The following ZBTB20 variants were observed in gnomAD, a reference collection of about 807,000 sequenced individuals.
ZBTB20 encodes the protein zinc finger and BTB domain containing 20.
A neutral mutation model predicts 56.9 loss-of-function variants in ZBTB20; 9 were observed. The observed-to-expected ratio is 0.16, with a 90% CI of 0.10 to 0.28. The LOEUF is 0.28. Ranked by LOEUF, ZBTB20 falls within the 10% of genes least tolerant of loss-of-function variation. The pLI is 1.00. For synonymous variants in ZBTB20, 417 were observed against 420.7 expected (o/e 0.99, Z 0.11); for missense variants, 655 against 1,003.0 (o/e 0.65, Z 4.69).
chr3:114,856,801 G>A (rs952632572), intron 4 of ZBTB20, among the ~76,000 whole-genome samples: 1 of 152,046 alleles, frequency 6.6e-6, no homozygotes, highest in Non-Finnish European at 1.5e-5. Context: ...TCTTGTCAGG[G>A]GAGAAGGTTC....
intron 4 of ZBTB20, among the ~76,000 whole-genome samples, chr3:114,878,501 T>C (rs1334988875): frequency 6.6e-6 from 1 of 151,764 alleles, no homozygotes; most frequent in African/African-American, 2.4e-5. Flanking sequence ...AAAAGAGTAC[T>C]TGAGTCAAAT....
chr3:114,723,443 T>C (rs2065053930), intron 5 of ZBTB20, among the ~76,000 whole-genome samples: 1 of 152,208 alleles, frequency 6.6e-6, no homozygotes, highest in South Asian at 2.1e-4. Context: ...TTCTGGGACT[T>C]ATATAGAGAT....
At chr3:114,501,836 G>T (rs2044025089) in intron 6 of ZBTB20, among the ~76,000 whole-genome samples, 6 of 150,436 alleles carry the variant, frequency 4.0e-5, no homozygotes, top group Admixed American at 4.0e-4. Flanking sequence ...AGCCTCCTGA[G>T]TAGCTGGGAC....
intron 3 of ZBTB20, among the ~76,000 whole-genome samples, chr3:114,922,970 T>G (rs1311299877): frequency 6.6e-6 from 1 of 152,082 alleles, no homozygotes; most frequent in Admixed American, 6.6e-5. Flanking sequence ...ATAAAACGAT[T>G]CCACTTACAA....
chr3:114,674,449 T>C lies in ZBTB20; in HGVS notation c.-295+19079A>G, dbSNP rs576346424. Among the ~76,000 whole-genome samples the C allele has an allele frequency of 5.9e-5, 9 of 152,288 alleles. No individual in the cohort carries two copies. The East Asian group carries it at 1.7e-3, about 29-fold the overall frequency. On this transcript the variant is annotated intron_variant, in intron 6 of 11. Coordinates refer to ENST00000675478, the MANE Select transcript of ZBTB20 (RefSeq NM_001348800.3). ...ACTTACATGCAATAAAGTTTGCAGA[T>C]GAATATTTTGAAAATCAAAGAAAAG...
At chr3:114,788,557 T>C (rs2108799074) in intron 5 of ZBTB20, among the ~76,000 whole-genome samples, 1 of 152,312 alleles carries the variant, frequency 6.6e-6, no homozygotes. Flanking sequence ...CATTTGTCCA[T>C]TCATGGACAT....
chr3:114,670,686 C>G (rs2061317877), intron 6 of ZBTB20, among the ~76,000 whole-genome samples: 1 of 152,106 alleles, frequency 6.6e-6, no homozygotes, highest in Non-Finnish European at 1.5e-5. Context: ...AGTCTAATTT[C>G]TGTTCTCAAA....
At chr3:114,636,417 T>A (rs2059275492) in intron 6 of ZBTB20, among the ~76,000 whole-genome samples, 1 of 152,100 alleles carries the variant, frequency 6.6e-6, no homozygotes, top group Admixed American at 6.6e-5. Flanking sequence ...TGATAGTGTG[T>A]AAATCACTTT....
intron 6 of ZBTB20, among the ~76,000 whole-genome samples, chr3:114,667,243 G>C (rs1024934571): frequency 1.3e-5 from 2 of 151,886 alleles, no homozygotes. Context: ...CAAATTGCTA[G>C]GTTCATGATA....
chr3:114,967,776 G>A (rs997530768), intron 3 of ZBTB20, among the ~76,000 whole-genome samples: 3 of 152,064 alleles, frequency 2.0e-5, no homozygotes, highest in African/African-American at 4.8e-5. Context: ...GGCCAATGTG[G>A]TGAAACCCCA....
At chr3:115,143,293 C>T (rs2084870313) in intron 1 of ZBTB20, among the ~76,000 whole-genome samples, 3 of 152,096 alleles carry the variant, frequency 2.0e-5, no homozygotes, top group Admixed American at 2.0e-4. Context: ...GTTTAAATAA[C>T]AAAGCATTTT....
intron 1 of ZBTB20, among the ~76,000 whole-genome samples, chr3:115,142,537 G>A (rs906272603): frequency 2.0e-5 from 3 of 151,796 alleles, no homozygotes; most frequent in African/African-American, 7.3e-5. Context: ...GGCTGTGCGC[G>A]CCTGTAGTCC....
intron 2 of ZBTB20, among the ~76,000 whole-genome samples, chr3:115,058,122 G>A (rs1050256428): frequency 5.3e-5 from 8 of 151,832 alleles, no homozygotes; most frequent in African/African-American, 1.2e-4. Context: ...ACCTCCCACC[G>A]GGTCCCTCCC....
chr3:114,789,854 T>G (rs1385349991), intron 5 of ZBTB20, among the ~76,000 whole-genome samples: 1 of 152,166 alleles, frequency 6.6e-6, no homozygotes, highest in Non-Finnish European at 1.5e-5. Flanking sequence ...ATTATAGAGT[T>G]CTGGAAATGT....
intron 4 of ZBTB20, among the ~76,000 whole-genome samples, chr3:114,814,640 C>T (rs2072790987): frequency 1.3e-5 from 2 of 152,192 alleles, no homozygotes; most frequent in African/African-American, 4.8e-5. Context: ...AACTAACCAC[C>T]TCTTTGCTAA....
At chr3:114,397,911 G>T (rs544369587) in intron 7 of ZBTB20, among the ~76,000 whole-genome samples, 5 of 152,162 alleles carry the variant, frequency 3.3e-5, no homozygotes, top group African/African-American at 1.2e-4. Flanking sequence ...TTAAGCCTGG[G>T]CTCGGAAATT....
At chr3:115,042,496 T>C (rs944610899) in intron 2 of ZBTB20, among the ~76,000 whole-genome samples, 2 of 152,178 alleles carry the variant, frequency 1.3e-5, no homozygotes, top group African/African-American at 4.8e-5. Context: ...ACAGTGAGTT[T>C]AGAAACAAAG....
chr3:114,936,554 C>G (rs530687983), intron 3 of ZBTB20, among the ~76,000 whole-genome samples: 10 of 152,048 alleles, frequency 6.6e-5, no homozygotes, highest in Non-Finnish European at 7.4e-5. Flanking sequence ...ATAATTATAA[C>G]TATTAATTAT....
chr3:114,834,485 A>G (rs1169935482), intron 4 of ZBTB20, among the ~76,000 whole-genome samples: 3 of 152,190 alleles, frequency 2.0e-5, no homozygotes, highest in Non-Finnish European at 4.4e-5. Context: ...TGTCAGCAAG[A>G]ATTTTTAAGT....
Sources: gnomAD v4.1 joint callset for allele counts (sites outside exome capture counted in the v4.1 genomes callset) on GRCh38, gnomAD v4.1.1 for gene constraint, MANE v1.5 for transcripts, NCBI Gene and HGNC (gene_info 2026-07-23, HGNC 2026-07-21) for gene names.